The following DIAPH3 variants were observed in gnomAD, a reference collection of about 807,000 sequenced individuals.
DIAPH3 encodes the protein protein diaphanous homolog 3.
Under a neutral mutation model 144.3 loss-of-function variants are expected in DIAPH3, and 117 were observed. The ratio of observed to expected loss-of-function variants is 0.81; its 90% CI spans 0.70 to 0.95. The LOEUF is 0.95. Among genes scored for constraint, DIAPH3 ranks in the 40% least tolerant of loss-of-function variants. The pLI, the probability that DIAPH3 is intolerant of heterozygous loss-of-function variation, is 0.00. For missense variants in DIAPH3, 1,421 were observed against 1,412.7 expected, an observed-to-expected ratio of 1.01 and a Z score of -0.09; for synonymous variants, 519 against 488.9, an observed-to-expected ratio of 1.06 and a Z score of -0.81.
intron 23 of DIAPH3, among the ~76,000 whole-genome samples, chr13:59,835,214 T>C (rs2139738166): frequency 6.6e-6 from 1 of 151,904 alleles, no homozygotes; most frequent in African/African-American, 2.4e-5. Context: ...ATTCAGTAAG[T>C]ATTATCTGAG....
At chr13:59,743,179 G>A (rs777761482) in intron 27 of DIAPH3, among the ~76,000 whole-genome samples, 7 of 152,178 alleles carry the variant, frequency 4.6e-5, no homozygotes, top group African/African-American at 7.2e-5. Flanking sequence ...CTTTGGCAGT[G>A]ATAGTATGAA....
chr13:59,980,039 T>G (rs2050904204), intron 14 of DIAPH3, among the ~76,000 whole-genome samples: 1 of 151,642 alleles, frequency 6.6e-6, no homozygotes, highest in Non-Finnish European at 1.5e-5. Context: ...CATGTGGAAG[T>G]TATTTATATC....
chr13:60,088,160 T>C (rs1194766802), intron 4 of DIAPH3, among the ~76,000 whole-genome samples: 6 of 152,166 alleles, frequency 3.9e-5, no homozygotes, highest in African/African-American at 1.4e-4. Flanking sequence ...TTTAATCATC[T>C]TGACCTACGA....
intron 17 of DIAPH3, among the ~76,000 whole-genome samples, chr13:59,952,371 T>G (rs2049145877): frequency 6.6e-6 from 1 of 152,142 alleles, no homozygotes; most frequent in South Asian, 2.1e-4. Context: ...TTATGTGATA[T>G]TAAGTTTTAT....
At chr13:59,911,597 T>C in intron 20 of DIAPH3, 138 bp downstream of exon 20, 2 of 698,280 alleles carry the variant, frequency 2.9e-6, no homozygotes, top group East Asian at 2.7e-5. Flanking sequence ...TGAATATCCT[T>C]AAGTTAAAAA....
At chr13:59,729,297 T>A (rs1238350519) in intron 27 of DIAPH3, among the ~76,000 whole-genome samples, 1 of 152,168 alleles carries the variant, frequency 6.6e-6, no homozygotes, top group Non-Finnish European at 1.5e-5. Context: ...TGAAATCATA[T>A]TGTCTCTTTT....
intron 27 of DIAPH3, among the ~76,000 whole-genome samples, chr13:59,670,988 G>A (rs1268654852): frequency 6.6e-6 from 1 of 152,154 alleles, no homozygotes. Context: ...GAGCCACTGT[G>A]CCTGCTGACC....
intron 1 of DIAPH3, among the ~76,000 whole-genome samples, chr13:60,156,759 G>A (rs1047831457): frequency 6.6e-6 from 1 of 151,078 alleles, no homozygotes; most frequent in African/African-American, 2.4e-5. Context: ...ATAATTTTCT[G>A]AGCCCTAACA....
chr13:59,747,880 T>C (rs1476369794), intron 27 of DIAPH3, among the ~76,000 whole-genome samples: 1 of 152,202 alleles, frequency 6.6e-6, no homozygotes, highest in Non-Finnish European at 1.5e-5. Flanking sequence ...TTCTTATAAA[T>C]GCCACTACAA....
At chr13:59,764,955 C>T (rs774350802) in intron 27 of DIAPH3, among the ~76,000 whole-genome samples, 1 of 152,026 alleles carries the variant, frequency 6.6e-6, no homozygotes. Context: ...CTCACATCAT[C>T]GTTTTCTCCA....
chr13:59,746,985 T>A (rs1224558899), intron 27 of DIAPH3, among the ~76,000 whole-genome samples: 1 of 152,138 alleles, frequency 6.6e-6, no homozygotes, highest in African/African-American at 2.4e-5. Context: ...ATGCAAAAAA[T>A]TATGAATATA....
intron 27 of DIAPH3, among the ~76,000 whole-genome samples, chr13:59,711,141 G>GAACC (rs1362811192): frequency 6.6e-6 from 1 of 152,148 alleles, no homozygotes; most frequent in Non-Finnish European, 1.5e-5. Context: ...CAGTGTTCTT[G>GAACC]AACCGTGAAA....
intron 20 of DIAPH3, among the ~76,000 whole-genome samples, chr13:59,889,843 T>C (rs1291774823): frequency 1.3e-5 from 2 of 151,834 alleles, no homozygotes; most frequent in Non-Finnish European, 2.9e-5. Flanking sequence ...AGATTTGTTT[T>C]CTTAGACCCT....
chr13:59,819,894 TCA>T (rs1409880105), intron 24 of DIAPH3, among the ~76,000 whole-genome samples: 11 of 151,960 alleles, frequency 7.2e-5, no homozygotes, highest in Admixed American at 7.2e-4. Flanking sequence ...TGACTATGCC[TCA>T]GTTTCCTCTA....
intron 2 of DIAPH3, among the ~76,000 whole-genome samples, chr13:60,132,697 G>C (rs1435920740): frequency 6.6e-6 from 1 of 152,004 alleles, no homozygotes; most frequent in Non-Finnish European, 1.5e-5. Flanking sequence ...AATGAGAGTT[G>C]ATTTGAATGA....
chr13:59,967,230 C>T (rs1667267472), intron 17 of DIAPH3, among the ~76,000 whole-genome samples: 1 of 151,376 alleles, frequency 6.6e-6, no homozygotes, highest in African/African-American at 2.4e-5. Flanking sequence ...CCATGCCTGG[C>T]TATTTTTTTT....
intron 7 of DIAPH3, chr13:60,013,000 C>G: frequency 3.0e-6 from 3 of 985,260 alleles, no homozygotes; most frequent in Non-Finnish European, 1.2e-6. Context: ...AAAAACATAG[C>G]AAAACAAAAC....
At chr13:59,996,604 A>G (rs2052203932) in intron 9 of DIAPH3, among the ~76,000 whole-genome samples, 2 of 152,034 alleles carry the variant, frequency 1.3e-5, no homozygotes, top group South Asian at 4.1e-4. Flanking sequence ...CTGGAAAGCG[A>G]GCGGCCAAAA....
intron 4 of DIAPH3, among the ~76,000 whole-genome samples, chr13:60,055,226 A>T (rs2056511702): frequency 6.6e-6 from 1 of 151,944 alleles, no homozygotes; most frequent in African/African-American, 2.4e-5. Flanking sequence ...AATTATAGTG[A>T]TCTAATACTA....
Sources: gnomAD v4.1 joint callset for allele counts (sites outside exome capture counted in the v4.1 genomes callset) on GRCh38, gnomAD v4.1.1 for gene constraint, MANE v1.5 for transcripts, NCBI Gene and HGNC (gene_info 2026-07-23, HGNC 2026-07-21) for gene names.